Variants in OGA observed in about 807,000 individuals in gnomAD.
OGA encodes O-GlcNAcase, also known as protein O-GlcNAcase.
Under a neutral mutation model 102.0 loss-of-function variants are expected in OGA, and 21 were observed. The observed-to-expected ratio is 0.21, with a 90% CI of 0.15 to 0.30. The LOEUF (loss-of-function observed/expected upper bound fraction) is 0.30. OGA is among the 10% of genes least tolerant of loss of function. OGA has a pLI of 1.00. For missense variants in OGA, 765 were observed against 1,107.8 expected (o/e 0.69, Z 4.39); for synonymous variants, 408 against 378.2 (o/e 1.08, Z -0.91).
intron 6 of OGA, among the ~76,000 whole-genome samples, chr10:101,804,958 AAATAG>A (rs1235150482): frequency 6.6e-6 from 1 of 152,130 alleles, no homozygotes; most frequent in African/African-American, 2.4e-5. Context: ...TCGTTTTATA[AAATAG>A]AAGAGTTTCC....
chr10:101,798,237 T>C (rs2065342297), intron 9 of OGA, 83 bp from the exon 10 acceptor site: 1 of 1,309,246 alleles, frequency 7.6e-7, no homozygotes, highest in Non-Finnish European at 1.1e-6. Context: ...AAGCTGCTTA[T>C]GTTGTCAGGT....
At position 101,807,776 on chromosome 10, in the gene OGA, G is replaced by C; in HGVS notation, c.606C>G (p.Ile202Met). The C allele has an allele frequency of 6.2e-7, 1 of 1,611,382 alleles. No homozygotes were observed. The highest frequency in any genetic ancestry group is 8.5e-7 in the Non-Finnish European group (1 of 1,178,962). ...AHAQVSITNE[I>M]YQYLGEPETF... Reference sequence around the variant, plus strand: ...TTTCTGGCTCTCCTAGGTACTGATAGATTTCATTTGTGATGGAGACTTGGG... The same window carrying C: ...TTTCTGGCTCTCCTAGGTACTGATACATTTCATTTGTGATGGAGACTTGGG... Residue 202 changes from isoleucine (I) to methionine (M), a missense_variant, in exon 5 of 16, where the codon ATC becomes ATG. Physicochemically the swap from Ile to Met is conservative, Grantham distance 10. Around this residue, in one of 7 missense-constraint regions of OGA, gnomAD observed 165 missense variants for 249.7 expected, o/e 0.66. Transcript: ENST00000361464.
In OGA at chr10:101,810,202, C is replaced by T. The variant is rs1425548299; in HGVS notation, c.462G>A (p.Leu154=). The T allele has an allele frequency of 2.5e-6, 4 of 1,611,126 alleles. No individual in the cohort carries two copies. Among genetic ancestry groups the T allele is most frequent in the Non-Finnish European group, 3.4e-6 (4 of 1,178,648 alleles). Residue 154 remains leucine, a synonymous_variant, in exon 4 of 16, where the codon TTG becomes TTA. Coordinates refer to ENST00000361464, the MANE Select transcript of OGA (RefSeq NM_012215.5). Reference sequence around the variant, plus strand: ...GAGTTACCTGGTCCAATTTACGTTTCAATGTGGATACTTCCTTGGGGTTAG... The same window carrying T: ...GAGTTACCTGGTCCAATTTACGTTTTAATGTGGATACTTCCTTGGGGTTAG... ...TFSNPKEVST[L]KRKLDQVSQF...
intron 14 of OGA, among the ~76,000 whole-genome samples, chr10:101,788,529 G>A (rs983280212): frequency 4.4e-4 from 67 of 151,822 alleles, no homozygotes; most frequent in African/African-American, 1.6e-3. Flanking sequence ...AAGGTCAGGA[G>A]TTTGAGACCA....
Position 101,785,642 on chromosome 10 carries a change from G to A in OGA, c.*809C>T, listed in dbSNP as rs2065184161. 1 of 152,520 alleles carries A rather than the reference G, an allele frequency of 6.6e-6. No homozygotes were observed. The highest frequency in any genetic ancestry group is 1.5e-5 in the Non-Finnish European group (1 of 68,012). The allele number at this position is 152,520 out of a possible 1,614,324, so 9.4% of individuals were successfully genotyped here. A position where few individuals can be genotyped will look rare whatever the true frequency, so the allele number is the denominator to read the frequency against. The stretch of plus-strand genomic sequence containing the variant: ...GAACAAAAACAACCCCAAACCCAAA[G>A]ACAAAAGTAAAGAAAATCCACTTTT... On this transcript the variant is annotated 3_prime_UTR_variant, in exon 16 of 16. Coordinates refer to ENST00000361464, the MANE Select transcript of OGA (RefSeq NM_012215.5).
intron 5 of OGA, 45 bp from the exon 6 acceptor site, chr10:101,806,188 A>C: frequency 1.6e-5 from 19 of 1,205,238 alleles, no homozygotes; most frequent in Non-Finnish European, 2.1e-5. Flanking sequence ...TAAAATGCTC[A>C]TGGGTTTTCT....
In OGA at chr10:101,818,389, A is replaced by C; in HGVS notation, c.-367T>G. 4 of 1,027,022 alleles carry C rather than the reference A, an allele frequency of 3.9e-6. No individual in the cohort carries two copies. Among genetic ancestry groups the C allele is most frequent in the Non-Finnish European group, 3.5e-6 (3 of 856,124 alleles). The allele number at this position is 1,027,022 out of a possible 1,614,324, so 63.6% of individuals were successfully genotyped here. On this transcript the variant is annotated 5_prime_UTR_variant, in exon 1 of 16. Transcript: ENST00000361464. ...TTAGGTCTTCCGCTGTTTCCCCTCCAAGCCCCGAGCTCTCCCTCTGCTGCT... is the reference window on the plus strand; with the variant it reads ...TTAGGTCTTCCGCTGTTTCCCCTCCCAGCCCCGAGCTCTCCCTCTGCTGCT...
In OGA at chr10:101,818,054, G is replaced by T; in HGVS notation, c.-32C>A. 1 of 1,532,718 alleles carries T rather than the reference G, an allele frequency of 6.5e-7. No individual in the cohort carries two copies. The allele number at this position is 1,532,718 out of a possible 1,614,324, so 94.9% of individuals were successfully genotyped here. On this transcript the variant is annotated 5_prime_UTR_variant, in exon 1 of 16. Coordinates refer to ENST00000361464, the MANE Select transcript of OGA (RefSeq NM_012215.5). ...GCCCCCGGCCGCTGCCACCTCTGCG[G>T]GTCCTCCTCGACCTCTGTCCGTTGG...
intron 14 of OGA, among the ~76,000 whole-genome samples, chr10:101,790,637 T>C (rs537405881): frequency 6.9e-4 from 105 of 152,292 alleles, no homozygotes; most frequent in South Asian, 6.0e-3. Context: ...TTCTTTGTCT[T>C]TATTGTGTTT....
rs1260702491 is a variant in OGA at position 101,787,365 on chromosome 10, A to G, written c.2613T>C (p.Asn871=). The change falls in exon 15 of 16, where the codon AAT becomes AAC. Residue 871 remains asparagine (N), a splice_region_variant and synonymous_variant. Coordinates refer to ENST00000361464, the MANE Select transcript of OGA (RefSeq NM_012215.5). ...CCAACTCCACAAATATGTACTCACC[A>G]TTAGCCTTCAGTGAAGACAGGAGGC... The part of the protein sequence containing the change: ...MACLLSSLKA[N]GSRGAFCEVR... The G allele has an allele frequency of 6.2e-7, 1 of 1,612,182 alleles. No homozygotes were observed. Among genetic ancestry groups the G allele is most frequent in the Non-Finnish European group, 8.5e-7 (1 of 1,178,444 alleles).
At position 101,818,026 on chromosome 10, in the gene OGA, C is replaced by G; in HGVS notation, c.-4G>C. On this transcript the variant is annotated 5_prime_UTR_variant, in exon 1 of 16. Transcript: ENST00000361464. ...CTTGACTCTCCTTCTGCACCATCCT[C>G]CTGCCCCCGGCCGCTGCCACCTCTG... 1 of 1,573,336 alleles carries G rather than the reference C, an allele frequency of 6.4e-7. No homozygotes were observed. Among genetic ancestry groups the G allele is most frequent in the Non-Finnish European group, 8.7e-7 (1 of 1,154,582 alleles).
intron 5 of OGA, among the ~76,000 whole-genome samples, chr10:101,806,883 G>C (rs1223306041): frequency 6.6e-6 from 1 of 152,068 alleles, no homozygotes; most frequent in African/African-American, 2.4e-5. Context: ...ACACTAGCCT[G>C]GGCAATATGG....
chr10:101,813,229 A>G, intron 2 of OGA, 102 bp from the exon 3 acceptor site: 2 of 794,186 alleles, frequency 2.5e-6, no homozygotes, highest in Admixed American at 4.7e-5. Flanking sequence ...ATACAAAGCT[A>G]ATATTCTATG....
intron 1 of OGA, among the ~76,000 whole-genome samples, chr10:101,816,804 T>C (rs1020177069): frequency 1.3e-5 from 2 of 152,000 alleles, no homozygotes; most frequent in African/African-American, 2.4e-5. Flanking sequence ...TACTCTAATT[T>C]ATATGGTGAA....
chr10:101,798,212 A>T (rs2065341932), intron 9 of OGA, 58 bp from the exon 10 acceptor site: 2 of 1,508,728 alleles, frequency 1.3e-6, no homozygotes, highest in African/African-American at 2.8e-5. Context: ...ATAATCTGAG[A>T]CACAGTTACA....
intron 4 of OGA, among the ~76,000 whole-genome samples, chr10:101,809,648 T>C (rs944930136): frequency 1.4e-5 from 2 of 146,412 alleles, no homozygotes; most frequent in South Asian, 2.2e-4. Context: ...GAGGTGGAGG[T>C]TGCAGTGAGC....
intron 10 of OGA, among the ~76,000 whole-genome samples, chr10:101,796,637 C>A (rs11819315): frequency 6.6e-6 from 1 of 152,046 alleles, no homozygotes; most frequent in African/African-American, 2.4e-5. Flanking sequence ...ATGGTGTGAT[C>A]TCAGCTCACT....
At position 101,798,058 on chromosome 10, in the gene OGA, T is replaced by C. The variant is rs1428708363; in HGVS notation, c.1906A>G (p.Ile636Val). ...ACATAGGAGTACATGTCATAAAGAA[T>C]TGTCCTGTTGGCACAATTGGAGAGC... is the stretch of plus-strand genomic sequence containing the variant. ...TRLSNCANRT[I>V]LYDMYSYVWD... Residue 636 changes from isoleucine (I) to valine (V), a missense_variant, in exon 10 of 16, where the codon ATT becomes GTT. Coordinates refer to ENST00000361464, the MANE Select transcript of OGA (RefSeq NM_012215.5). 4.3e-6 allele frequency: 7 copies of C among 1,613,930 alleles called. No individual in the cohort carries two copies. Among genetic ancestry groups the C allele is most frequent in the Middle Eastern group, 1.6e-4 (1 of 6,084 alleles).
At chr10:101,794,981 A>G (rs982998258) in intron 10 of OGA, among the ~76,000 whole-genome samples, 8 of 152,114 alleles carry the variant, frequency 5.3e-5, no homozygotes, top group African/African-American at 1.9e-4. Context: ...CCCAAAGCAA[A>G]CCAATTTTTT....
Sources: allele counts gnomAD v4.1 joint callset (sites outside exome capture counted in the v4.1 genomes callset), GRCh38; gene constraint gnomAD v4.1.1; regional missense constraint gnomAD v4.1.1; transcripts MANE v1.5; gene names NCBI Gene and HGNC (gene_info 2026-07-23, HGNC 2026-07-21).